CDH13: variants seen among roughly 807,000 people sequenced by gnomAD.
The protein encoded by CDH13 is cadherin 13.
In CDH13, 24 loss-of-function variants were observed where a neutral mutation model predicts 63.8. That is an observed-to-expected ratio of 0.38 (90% confidence interval 0.27 to 0.53). The LOEUF is 0.53. Ranked by LOEUF, CDH13 falls within the 20% of genes least tolerant of loss-of-function variation. The pLI is 0.85. For missense variants in CDH13, 1,049 were observed against 903.1 expected (o/e 1.16, Z -2.07); for synonymous variants, 503 against 355.3 (o/e 1.42, Z -4.67).
intron 6 of CDH13, among the ~76,000 whole-genome samples, chr16:83,355,056 C>G (rs1392964853): frequency 2.0e-5 from 3 of 152,104 alleles, no homozygotes; most frequent in African/African-American, 7.2e-5. Flanking sequence ...ACATTTTAAA[C>G]TTAGTAGGAA....
chr16:83,034,627 T>C (rs138744831), intron 3 of CDH13, among the ~76,000 whole-genome samples: 125 of 152,318 alleles, frequency 8.2e-4, no homozygotes, highest in African/African-American at 2.7e-3. Context: ...GGTTTGCCCA[T>C]GGGCTTGAAT....
chr16:83,338,954 G>C (rs974593930), intron 5 of CDH13, among the ~76,000 whole-genome samples: 8 of 152,162 alleles, frequency 5.3e-5, no homozygotes, highest in Admixed American at 2.6e-4. Flanking sequence ...ATCCAATAGA[G>C]GGTGACATAA....
At chr16:83,300,121 G>A (rs185432051) in intron 5 of CDH13, among the ~76,000 whole-genome samples, 1 of 152,158 alleles carries the variant, frequency 6.6e-6, no homozygotes, top group Non-Finnish European at 1.5e-5. Flanking sequence ...TACCCAAGAG[G>A]GTGAGTACCA....
chr16:82,941,478 CTT>C (rs1287069353), intron 2 of CDH13, among the ~76,000 whole-genome samples: 2 of 152,208 alleles, frequency 1.3e-5, no homozygotes, highest in South Asian at 2.1e-4. Flanking sequence ...GCTTCATCAT[CTT>C]TACATTGCAC....
At chr16:82,861,100 G>C (rs531624742) in intron 2 of CDH13, among the ~76,000 whole-genome samples, 1 of 152,268 alleles carries the variant, frequency 6.6e-6, no homozygotes, top group African/African-American at 2.4e-5. Context: ...AACAGAACCA[G>C]AAAATGTTAA....
intron 7 of CDH13, among the ~76,000 whole-genome samples, chr16:83,589,540 G>A (rs1041015029): frequency 1.6e-4 from 25 of 151,732 alleles, no homozygotes; most frequent in Admixed American, 1.5e-3. Flanking sequence ...GCCACCTAAG[G>A]TAAAATATTC....
chr16:82,859,743 A>G (rs1057061900), intron 2 of CDH13: 2 of 152,160 alleles, frequency 1.3e-5, no homozygotes, highest in Admixed American at 6.5e-5. Flanking sequence ...AAGAAAAAAA[A>G]AAAAAAGCAC....
chr16:83,602,417 A>G, intron 7 of CDH13, 37 bp from the exon 8 acceptor site: 1 of 1,612,568 alleles, frequency 6.2e-7, no homozygotes, highest in Non-Finnish European at 8.5e-7. Context: ...ACCCAAATCT[A>G]AATGTCATAT....
intron 1 of CDH13, among the ~76,000 whole-genome samples, chr16:82,781,784 A>C (rs1175665525): frequency 1.1e-4 from 16 of 152,348 alleles, no homozygotes; most frequent in Admixed American, 9.2e-4. Flanking sequence ...AAGCATTGGT[A>C]ATAAAGAGAC....
chr16:82,786,600 C>T (rs1042597410), intron 1 of CDH13, among the ~76,000 whole-genome samples: 23 of 151,474 alleles, frequency 1.5e-4, no homozygotes, highest in African/African-American at 4.9e-4. Flanking sequence ...TGGTGTGCTG[C>T]ACCCGTTACC....
intron 7 of CDH13, among the ~76,000 whole-genome samples, chr16:83,498,236 G>C (rs2074193627): frequency 1.3e-5 from 2 of 152,270 alleles, no homozygotes; most frequent in South Asian, 2.1e-4. Flanking sequence ...GCACTCCCTG[G>C]AGCTGAGTCT....
intron 8 of CDH13, among the ~76,000 whole-genome samples, chr16:83,615,698 G>A (rs954380937): frequency 6.6e-6 from 1 of 152,068 alleles, no homozygotes; most frequent in African/African-American, 2.4e-5. Flanking sequence ...TCAGTGCATG[G>A]GTACTAGCAG....
intron 1 of CDH13, among the ~76,000 whole-genome samples, chr16:82,804,574 C>T (rs1001861180): frequency 6.6e-6 from 1 of 152,198 alleles, no homozygotes; most frequent in Admixed American, 6.5e-5. Flanking sequence ...ACATCTTCCT[C>T]ATTTTCCCCA....
chr16:83,717,578 A>G (rs1377695724), intron 10 of CDH13, among the ~76,000 whole-genome samples: 1 of 152,102 alleles, frequency 6.6e-6, no homozygotes, highest in Non-Finnish European at 1.5e-5. Context: ...CCAAGGGCTG[A>G]CTCTTGGTGT....
intron 6 of CDH13, among the ~76,000 whole-genome samples, chr16:83,436,994 G>A (rs958712091): frequency 2.6e-5 from 4 of 151,966 alleles, no homozygotes; most frequent in Non-Finnish European, 1.5e-5. Flanking sequence ...CTTGATTTTG[G>A]TGCTTGAGAA....
At chr16:82,749,581 G>A (rs1053294601) in intron 1 of CDH13, among the ~76,000 whole-genome samples, 2 of 152,206 alleles carry the variant, frequency 1.3e-5, no homozygotes, top group African/African-American at 2.4e-5. Context: ...GTCACATACA[G>A]AGTGAGAGAG....
chr16:82,907,306 C>G (rs1453658587), intron 2 of CDH13, among the ~76,000 whole-genome samples: 1 of 152,084 alleles, frequency 6.6e-6, no homozygotes, highest in Non-Finnish European at 1.5e-5. Flanking sequence ...GCCCCCTCCT[C>G]TTTACCCCTC....
intron 4 of CDH13, among the ~76,000 whole-genome samples, chr16:83,160,298 G>C (rs1286468592): frequency 6.6e-6 from 1 of 152,028 alleles, no homozygotes; most frequent in Non-Finnish European, 1.5e-5. Context: ...AGGTATATGA[G>C]AAATCTCTGT....
chr16:83,056,132 G>A (rs2030903651), intron 3 of CDH13, among the ~76,000 whole-genome samples: 1 of 152,138 alleles, frequency 6.6e-6, no homozygotes, highest in African/African-American at 2.4e-5. Flanking sequence ...TCAAGGAAAT[G>A]CAAAGGAAAA....
Sources: allele counts gnomAD v4.1 joint callset (sites outside exome capture counted in the v4.1 genomes callset), GRCh38; gene constraint gnomAD v4.1.1; transcripts MANE v1.5; gene names NCBI Gene and HGNC (gene_info 2026-07-23, HGNC 2026-07-21).